PTPRZ1: variants seen among roughly 807,000 people sequenced by gnomAD.
The protein encoded by PTPRZ1 is receptor-type tyrosine-protein phosphatase zeta.
PTPRZ1 carries 82 observed loss-of-function variants against 214.1 expected under a neutral mutation model. The observed-to-expected ratio is 0.38, with a 90% confidence interval of 0.32 to 0.46. The LOEUF is 0.46. PTPRZ1 is among the 20% of genes least tolerant of loss of function. The probability of loss-of-function intolerance (pLI) is 1.00; values close to 1 mark genes in which losing one functional copy is unlikely to be tolerated. For synonymous variants in PTPRZ1, 945 were observed against 987.9 expected (o/e 0.96, Z 0.81); for missense variants, 2,603 against 2,748.7 (o/e 0.95, Z 1.19).
chr7:121,926,999 G>GT (rs1490960089), intron 1 of PTPRZ1, among the ~76,000 whole-genome samples: 13 of 152,108 alleles, frequency 8.5e-5, no homozygotes. Context: ...CTGCCTTTTA[G>GT]TTTTTATAAA....
At chr7:122,042,309 T>G (rs1243227181) in intron 21 of PTPRZ1, among the ~76,000 whole-genome samples, 1 of 152,172 alleles carries the variant, frequency 6.6e-6, no homozygotes, top group Non-Finnish European at 1.5e-5. Context: ...CATTGTACAA[T>G]ATACAATGAA....
chr7:121,876,041 G>A (rs1794048859), intron 1 of PTPRZ1, among the ~76,000 whole-genome samples: 1 of 152,194 alleles, frequency 6.6e-6, no homozygotes, highest in Admixed American at 6.5e-5. Flanking sequence ...AAGTTGTAGA[G>A]TTCACTAAGA....
intron 12 of PTPRZ1, among the ~76,000 whole-genome samples, chr7:122,017,911 T>C (rs1237352778): frequency 6.6e-6 from 1 of 152,092 alleles, no homozygotes; most frequent in Non-Finnish European, 1.5e-5. Flanking sequence ...TTCCTGTCCC[T>C]TTCTGCTATC....
intron 15 of PTPRZ1, 49 bp from the exon 16 acceptor site, chr7:122,034,046 G>A: frequency 6.6e-7 from 1 of 1,520,564 alleles, no homozygotes. Context: ...TTTGTCGTGT[G>A]CTGTGGAATT....
chr7:121,897,391 A>T (rs563821438), intron 1 of PTPRZ1, among the ~76,000 whole-genome samples: 55 of 152,286 alleles, frequency 3.6e-4, no homozygotes, highest in Admixed American at 1.3e-3. Flanking sequence ...ATGTAACATG[A>T]CTTCTTCAAA....
At chr7:122,060,016 T>G in intron 29 of PTPRZ1, 128 bp downstream of exon 29, 1 of 933,266 alleles carries the variant, frequency 1.1e-6, no homozygotes, top group Non-Finnish European at 1.5e-6. Flanking sequence ...GTTTTCAAGC[T>G]GAATTACAAG....
intron 20 of PTPRZ1, 109 bp downstream of exon 20, chr7:122,039,697 A>G: frequency 2.2e-6 from 3 of 1,378,610 alleles, no homozygotes; most frequent in Non-Finnish European, 1.9e-6. Context: ...AACTAAAGGC[A>G]TTAAAAATTC....
chr7:121,901,963 T>C (rs1245907412), intron 1 of PTPRZ1, among the ~76,000 whole-genome samples: 1 of 152,204 alleles, frequency 6.6e-6, no homozygotes, highest in Non-Finnish European at 1.5e-5. Context: ...TTGTCCTATC[T>C]GACTGTAACT....
At chr7:122,006,154 A>G (rs1037324134) in intron 11 of PTPRZ1, among the ~76,000 whole-genome samples, 6 of 152,238 alleles carry the variant, frequency 3.9e-5, no homozygotes, top group Middle Eastern at 3.4e-3. Flanking sequence ...TAATGGACAT[A>G]TAATACTTCT....
At chr7:121,890,948 G>T (rs1200945132) in intron 1 of PTPRZ1, among the ~76,000 whole-genome samples, 2 of 151,954 alleles carry the variant, frequency 1.3e-5, no homozygotes, top group African/African-American at 4.8e-5. Flanking sequence ...AAAGTTTTGG[G>T]ATTAAAAACT....
chr7:121,933,990 T>G (rs1796000556), intron 2 of PTPRZ1, among the ~76,000 whole-genome samples: 1 of 152,136 alleles, frequency 6.6e-6, no homozygotes, highest in Non-Finnish European at 1.5e-5. Context: ...TATAGAATTA[T>G]CTCATTTCTG....
intron 13 of PTPRZ1, among the ~76,000 whole-genome samples, chr7:122,022,372 T>C (rs2116693512): frequency 6.6e-6 from 1 of 152,332 alleles, no homozygotes; most frequent in East Asian, 1.9e-4. Context: ...ATTGGGTTAT[T>C]TGTCTTTCTA....
At chr7:122,027,033 A>C (rs1799224029) in intron 13 of PTPRZ1, among the ~76,000 whole-genome samples, 1 of 152,208 alleles carries the variant, frequency 6.6e-6, no homozygotes, top group African/African-American at 2.4e-5. Context: ...AAACAAATAA[A>C]AACATAATAG....
In PTPRZ1 at chr7:122,013,645, C is replaced by A; in HGVS notation, c.4599C>A (p.Leu1533=). ...AGACTGGTAGTGCTCTGCTTCCTCT[C>A]AGCCCTGAATCTAAAGCATGGGCAG... ...DIQTGSALLP[L]SPESKAWAVL... The change falls in exon 12 of 30, where the codon CTC becomes CTA. Residue 1533 remains leucine (L), a synonymous_variant. Transcript: ENST00000393386. 1 of 1,614,216 alleles carries A rather than the reference C, an allele frequency of 6.2e-7. No homozygotes were observed. The highest frequency in any genetic ancestry group is 1.1e-5 in the South Asian group (1 of 91,082).
chr7:121,966,800 T>C (rs150485428), intron 2 of PTPRZ1: 266 of 152,324 alleles, frequency 1.7e-3, no homozygotes, highest in African/African-American at 5.8e-3. Flanking sequence ...TAGTTCTCAC[T>C]GACTCACTTA....
chr7:121,917,813 T>TA (rs1025681905), intron 1 of PTPRZ1, among the ~76,000 whole-genome samples: 13 of 152,138 alleles, frequency 8.5e-5, no homozygotes, highest in African/African-American at 3.1e-4. Context: ...AAAAGAGGCA[T>TA]AAAAAAATAT....
chr7:121,994,597 G>A (rs78575875), intron 8 of PTPRZ1, among the ~76,000 whole-genome samples: 16,584 of 152,082 alleles, frequency 0.11, 946 homozygotes, highest in East Asian at 0.16. Flanking sequence ...GATTTTTGGA[G>A]GACGAAGTCT....
chr7:121,916,190 C>T (rs1795419885), intron 1 of PTPRZ1, among the ~76,000 whole-genome samples: 2 of 149,830 alleles, frequency 1.3e-5, no homozygotes, highest in Non-Finnish European at 3.0e-5. Context: ...AGGAGAATCA[C>T]TTGAACCTGG....
chr7:121,910,420 A>T (rs1160064432), intron 1 of PTPRZ1, among the ~76,000 whole-genome samples: 1 of 152,142 alleles, frequency 6.6e-6, no homozygotes, highest in Non-Finnish European at 1.5e-5. Flanking sequence ...CTACAATGTG[A>T]ACTACACAAG....
Sources: gnomAD v4.1 joint callset for allele counts (sites outside exome capture counted in the v4.1 genomes callset) on GRCh38, gnomAD v4.1.1 for gene constraint, MANE v1.5 for transcripts, NCBI Gene and HGNC (gene_info 2026-07-23, HGNC 2026-07-21) for gene names.